OAS3: variants seen among roughly 807,000 people sequenced by gnomAD.
OAS3 encodes the protein 2'-5'-oligoadenylate synthetase 3.
In OAS3, 107 loss-of-function variants were observed where a neutral mutation model predicts 113.0. The observed-to-expected ratio is 0.95, with a 90% confidence interval of 0.81 to 1.11. OAS3 has a LOEUF of 1.11. Among genes scored for constraint, OAS3 ranks in the 50% most tolerant of loss-of-function variants. The probability of loss-of-function intolerance (pLI) is 0.00; values close to 1 mark genes in which losing one functional copy is unlikely to be tolerated. For synonymous variants in OAS3, 552 were observed against 573.6 expected (o/e 0.96, Z 0.54); for missense variants, 1,258 against 1,389.1 (o/e 0.91, Z 1.50).
chr12:112,963,776 C>G lies in OAS3; in HGVS notation c.2229+319C>G, dbSNP rs990184269. ...CGGCTGAGCACCCAGCTTTGCTGAG[C>G]CTCTTCTCTGCCCTCTGCTGCTGTC... is the stretch of plus-strand genomic sequence containing the variant. On this transcript the variant is annotated intron_variant, in intron 10 of 15. Transcript: ENST00000228928. The surrounding 1 kb of genome is among the most constrained non-coding windows in gnomAD (Gnocchi z 4.6). 1.3e-5 allele frequency among the ~76,000 whole-genome samples: 2 copies of G among 152,178 alleles called. No homozygotes were observed. The highest frequency in any genetic ancestry group is 2.9e-5 in the Non-Finnish European group (2 of 68,034).
chr12:112,949,230 G>GA (rs766121413), intron 6 of OAS3, 25 bp downstream of exon 6: 9 of 1,463,588 alleles, frequency 6.1e-6, no homozygotes, highest in South Asian at 5.8e-5. Flanking sequence ...TGGAGACACA[G>GA]GGGGGACCCT....
intron 7 of OAS3, among the ~76,000 whole-genome samples, chr12:112,951,700 G>T (rs1222004637): frequency 6.6e-6 from 1 of 151,970 alleles, no homozygotes; most frequent in Admixed American, 6.6e-5. Flanking sequence ...TGGTTGAAAA[G>T]AATGCATGCT....
In OAS3 at chr12:112,967,432, G is replaced by A. The variant is rs2043943961; in HGVS notation, c.2704G>A (p.Gly902Ser). 1 of 1,612,466 alleles carries A rather than the reference G, an allele frequency of 6.2e-7. No individual in the cohort carries two copies. The highest frequency in any genetic ancestry group is 8.5e-7 in the Non-Finnish European group (1 of 1,179,268). ...AFDALGQLVS[G>S]SRPSSQVYVD... is the part of the protein sequence containing the mutation. ...CCCATCTCCAGGCCAGCTGGTCTCT[G>A]GCTCCAGGCCCAGCTCTCAAGTCTA... Residue 902 changes from glycine to serine, a missense_variant, in exon 13 of 16, where the codon GGC (glycine) becomes AGC (serine). By Grantham distance (56) the Gly-to-Ser change is moderately conservative (BLOSUM62 0). Coordinates refer to ENST00000228928, the MANE Select transcript of OAS3 (RefSeq NM_006187.4).
intron 3 of OAS3, 86 bp downstream of exon 3, chr12:112,944,737 T>C (rs1200597156): frequency 7.3e-7 from 1 of 1,362,092 alleles, no homozygotes; most frequent in East Asian, 2.3e-5. Context: ...TTACATTTAG[T>C]GGCCATTCAT....
rs1285428501 is a variant in OAS3 at position 112,944,635 on chromosome 12, AG to A, written c.621del (p.Lys207AsnfsTer26). On this transcript the variant is annotated frameshift_variant, in exon 3 of 16. Transcript: ENST00000228928. LOFTEE classifies it high-confidence loss of function. ...TTGAAGAACCTAATCTTGCTGGTGA[AG>A]CACTGGTACCACCAGGTGAAGCCAC... Reference protein sequence around the residue: ...AKLKNLILLVKHWYHQVCLQG... With the variant: ...AKLKNLILLVXHWYHQVCLQG... 6.2e-7 allele frequency: 1 copy of A among 1,613,956 alleles called. No homozygotes were observed. Among genetic ancestry groups the A allele is most frequent in the Non-Finnish European group, 8.5e-7 (1 of 1,179,902 alleles).
At chr12:112,949,940 A>G (rs1207624914) in intron 6 of OAS3, among the ~76,000 whole-genome samples, 1 of 151,978 alleles carries the variant, frequency 6.6e-6, no homozygotes, top group African/African-American at 2.4e-5. Flanking sequence ...AATCGCTTGA[A>G]CCCGGGAGGC....
At chr12:112,945,594 A>G (rs1196642409) in intron 3 of OAS3, among the ~76,000 whole-genome samples, 4 of 152,164 alleles carry the variant, frequency 2.6e-5, no homozygotes, top group Admixed American at 6.5e-5. Context: ...GGCTCCCCCA[A>G]AATCTTGCAG....
At chr12:112,941,944 TG>T (rs758109047) in intron 2 of OAS3, 92 bp downstream of exon 2, 1 of 1,531,854 alleles carries the variant, frequency 6.5e-7, no homozygotes, top group East Asian at 2.3e-5. Flanking sequence ...ACCAACTTGC[TG>T]TTTGACCTGG....
intron 14 of OAS3, 123 bp from the exon 15 acceptor site, chr12:112,969,485 C>T: frequency 1.7e-6 from 2 of 1,166,090 alleles, no homozygotes; most frequent in Non-Finnish European, 1.2e-6. Context: ...ACTGAGGAAT[C>T]TCTGAGCCCT....
rs1278119823 is a variant in OAS3, at chr12:112,965,956, C to A, written c.2616C>A (p.Ser872Arg). Residue 872 changes from serine (S) to arginine (R), a missense_variant, in exon 12 of 16, where the codon AGC (serine) becomes AGA (arginine). Ser to Arg is a moderately radical substitution (Grantham distance 110, BLOSUM62 -1). Coordinates refer to ENST00000228928, the MANE Select transcript of OAS3 (RefSeq NM_006187.4). ...AATGGGAGAATCCCCGCGTGCTGAG[C>A]TTCTCACTGACATCCCAGACGATGC... ...VSKWENPRVL[S>R]FSLTSQTMLD... is the part of the protein sequence containing the mutation. 6.2e-7 allele frequency: 1 copy of A among 1,614,002 alleles called. No individual in the cohort carries two copies. The highest frequency in any genetic ancestry group is 1.1e-5 in the South Asian group (1 of 91,062).
At chr12:112,964,500 T>C (rs1202841376) in intron 11 of OAS3, 92 bp downstream of exon 11, 1 of 1,343,908 alleles carries the variant, frequency 7.4e-7, no homozygotes, top group Non-Finnish European at 1.0e-6. Context: ...TCCGCCCTCG[T>C]AGCAAACAGC....
intron 14 of OAS3, among the ~76,000 whole-genome samples, chr12:112,968,517 TTTG>T (rs906517511): frequency 1.1e-4 from 17 of 152,228 alleles, no homozygotes; most frequent in African/African-American, 2.6e-4. Flanking sequence ...ATCCTGGTTT[TTTG>T]TTGTTGTTGT....
At chr12:112,942,349 G>A (rs772699782) in intron 2 of OAS3, 27 of 191,542 alleles carry the variant, frequency 1.4e-4, no homozygotes, top group Non-Finnish European at 2.6e-4. Flanking sequence ...ATACTAATGG[G>A]GATAATAGTA....
intron 3 of OAS3, chr12:112,944,927 A>G: frequency 6.4e-6 from 3 of 466,186 alleles, no homozygotes; most frequent in Non-Finnish European, 1.2e-5. Context: ...TGCTTTGTTT[A>G]AAGGTTATTT....
At chr12:112,961,741 CTGAAAGCAGA>C (rs2043888292) in intron 8 of OAS3, among the ~76,000 whole-genome samples, 1 of 151,824 alleles carries the variant, frequency 6.6e-6, no homozygotes, top group Non-Finnish European at 1.5e-5. Flanking sequence ...CAAGCTGTGC[CTGAAAGCAGA>C]TCTACTCCAA....
In OAS3 at chr12:112,949,170, G is replaced by T. The variant is rs2043766153; in HGVS notation, c.1339G>T (p.Glu447Ter). The T allele has an allele frequency of 6.2e-7, 1 of 1,613,128 alleles. No homozygotes were observed. Among genetic ancestry groups the T allele is most frequent in the Non-Finnish European group, 8.5e-7 (1 of 1,179,882 alleles). ...TGACATCATCTTGCGCTGCCTCCAT[G>T]AGAACTGTGTTCACAAGGCCTCAAG... ...AIDIILRCLH[E>*]NCVHKASRVS... Residue 447 changes from glutamate to a stop codon, truncating the protein, a stop_gained, in exon 6 of 16, where the codon GAG becomes TAG. Transcript: ENST00000228928. LOFTEE classifies it high-confidence loss of function.
chr12:112,947,662 AT>A (rs1230255570), intron 4 of OAS3, among the ~76,000 whole-genome samples: 1 of 152,218 alleles, frequency 6.6e-6, no homozygotes, highest in Non-Finnish European at 1.5e-5. Flanking sequence ...TCTGTTGGAA[AT>A]ATACCTAGGA....
At chr12:112,959,525 C>T (rs2136355947) in intron 7 of OAS3, among the ~76,000 whole-genome samples, 1 of 152,296 alleles carries the variant, frequency 6.6e-6, no homozygotes, top group South Asian at 2.1e-4. Context: ...TTGAAATGTG[C>T]TGTCCCTCCT....
chr12:112,949,079 G>A lies in OAS3; in HGVS notation c.1248G>A (p.Leu416=). ...TGTCTCAGATCCCCACCAAGGAGCT[G>A]GACCGCTTCATCCAGGACCACCTGA... ...LDLSQIPTKE[L]DRFIQDHLKP... Residue 416 remains leucine (L), a synonymous_variant, in exon 6 of 16, where the codon CTG becomes CTA. Coordinates refer to ENST00000228928, the MANE Select transcript of OAS3 (RefSeq NM_006187.4). The A allele has an allele frequency of 1.2e-6, 2 of 1,614,044 alleles. No individual in the cohort carries two copies. Among genetic ancestry groups the A allele is most frequent in the Non-Finnish European group, 1.7e-6 (2 of 1,179,904 alleles).
Sources: gnomAD v4.1 joint callset for allele counts (sites outside exome capture counted in the v4.1 genomes callset) on GRCh38, gnomAD v4.1.1 for gene constraint, Gnocchi (gnomAD v3.1) non-coding constraint, MANE v1.5 for transcripts, NCBI Gene and HGNC (gene_info 2026-07-23, HGNC 2026-07-21) for gene names.